ME1: variants seen among roughly 807,000 people sequenced by gnomAD.
ME1 encodes malic enzyme 1, also known as NADP-dependent malic enzyme.
ME1 carries 74 observed loss-of-function variants against 66.4 expected under a neutral mutation model. The ratio of observed to expected loss-of-function variants is 1.11; its 90% CI spans 0.92 to 1.35. The LOEUF (loss-of-function observed/expected upper bound fraction) is 1.35, where lower values mean the gene tolerates loss of function less well. Among genes scored for constraint, ME1 ranks in the 40% most tolerant of loss-of-function variants. The pLI is 0.00. For missense variants in ME1, 750 were observed against 694.1 expected, an observed-to-expected ratio of 1.08 and a Z score of -0.90; for synonymous variants, 251 against 235.6, an observed-to-expected ratio of 1.07 and a Z score of -0.60.
At chr6:83,389,622 A>G (rs765126250) in intron 3 of ME1, among the ~76,000 whole-genome samples, 5 of 152,168 alleles carry the variant, frequency 3.3e-5, no homozygotes, top group African/African-American at 4.8e-5. Context: ...GTGTAAAAAT[A>G]CAGTAGGTAG....
At chr6:83,349,561 T>C (rs943254653) in intron 4 of ME1, among the ~76,000 whole-genome samples, 1 of 152,218 alleles carries the variant, frequency 6.6e-6, no homozygotes, top group Non-Finnish European at 1.5e-5. Context: ...ACTCTCCATG[T>C]GTCCTGTCTT....
chr6:83,315,528 T>C (rs1251832317), intron 5 of ME1, 115 bp from the exon 6 acceptor site: 3 of 636,674 alleles, frequency 4.7e-6, no homozygotes, highest in Non-Finnish European at 8.3e-6. Flanking sequence ...CTTACCATAC[T>C]GATTCAGAAT....
Position 83,346,314 on chromosome 6 carries a change from T to C in ME1, c.459A>G (p.Gly153=). Residue 153 remains glycine (G), a synonymous_variant, in exon 5 of 14, where the codon GGA becomes GGG. Transcript: ENST00000369705. The part of the protein sequence containing the change: ...DVIKAIVVTD[G]ERILGLGDLG... ...GGTCTCCCAAGCCAAGAATACGCTC[T>C]CCATCAGTCACCACAATGGCCTGGA... The C allele has an allele frequency of 6.2e-7, 1 of 1,607,862 alleles. No individual in the cohort carries two copies. The highest frequency in any genetic ancestry group is 8.5e-7 in the Non-Finnish European group (1 of 1,176,824).
intron 6 of ME1, among the ~76,000 whole-genome samples, chr6:83,302,542 T>A (rs1417614495): frequency 6.6e-6 from 1 of 152,198 alleles, no homozygotes; most frequent in African/African-American, 2.4e-5. Context: ...TCTAATATCT[T>A]GATGACTTAA....
intron 10 of ME1, 149 bp from the exon 11 acceptor site, chr6:83,227,626 T>A: frequency 1.6e-6 from 1 of 608,848 alleles, no homozygotes; most frequent in Admixed American, 3.6e-5. Flanking sequence ...TCAAGTATAG[T>A]GACAAAAAGA....
At chr6:83,255,210 T>A (rs947346934) in intron 6 of ME1, among the ~76,000 whole-genome samples, 1 of 152,068 alleles carries the variant, frequency 6.6e-6, no homozygotes, top group Non-Finnish European at 1.5e-5. Context: ...TCTTTTTCTA[T>A]GTCTATTTGT....
chr6:83,367,117 G>T (rs369415517), intron 3 of ME1, among the ~76,000 whole-genome samples: 102 of 152,230 alleles, frequency 6.7e-4, no homozygotes, highest in African/African-American at 2.4e-3. Flanking sequence ...GCTCTTATGT[G>T]ACAAGGTGCA....
intron 6 of ME1, among the ~76,000 whole-genome samples, chr6:83,276,622 T>C (rs1471930332): frequency 3.3e-5 from 5 of 152,202 alleles, no homozygotes; most frequent in Non-Finnish European, 5.9e-5. Flanking sequence ...TTCAAACTAC[T>C]CTTGAAAAGT....
intron 7 of ME1, among the ~76,000 whole-genome samples, chr6:83,252,875 AAG>A (rs1412246003): frequency 6.6e-6 from 1 of 152,242 alleles, no homozygotes; most frequent in Admixed American, 6.5e-5. Context: ...GCCAACAGAA[AAG>A]AGTATTTCAA....
At chr6:83,288,883 T>C (rs1195322658) in intron 6 of ME1, among the ~76,000 whole-genome samples, 1 of 152,210 alleles carries the variant, frequency 6.6e-6, no homozygotes, top group Admixed American at 6.5e-5. Flanking sequence ...CCCTTGTAAG[T>C]TGTATTCCTA....
intron 5 of ME1, among the ~76,000 whole-genome samples, chr6:83,329,250 ATTAGCACC>A (rs1275340100): frequency 1.3e-5 from 2 of 152,214 alleles, no homozygotes; most frequent in African/African-American, 4.8e-5. Context: ...ACTACCCAAC[ATTAGCACC>A]TTGATGTATA....
At chr6:83,317,902 T>C (rs974509215) in intron 5 of ME1, among the ~76,000 whole-genome samples, 1 of 152,006 alleles carries the variant, frequency 6.6e-6, no homozygotes, top group Non-Finnish European at 1.5e-5. Context: ...CTTCAAACTA[T>C]ACTACAAGGC....
At chr6:83,359,785 T>C (rs1292387184) in intron 3 of ME1, among the ~76,000 whole-genome samples, 1 of 152,170 alleles carries the variant, frequency 6.6e-6, no homozygotes, top group Non-Finnish European at 1.5e-5. Context: ...AGCACCTACA[T>C]CTTTGAAAAG....
intron 5 of ME1, among the ~76,000 whole-genome samples, chr6:83,321,988 C>T (rs935561498): frequency 2.6e-5 from 4 of 152,274 alleles, no homozygotes; most frequent in South Asian, 2.1e-4. Context: ...CTGCAGCCTC[C>T]GCTGGTGACA....
intron 11 of ME1, among the ~76,000 whole-genome samples, chr6:83,224,415 G>C (rs1296999980): frequency 6.6e-6 from 1 of 152,104 alleles, no homozygotes. Flanking sequence ...AGGCACAGTG[G>C]CTCATGCCTG....
chr6:83,404,205 G>A (rs968749059), intron 2 of ME1, among the ~76,000 whole-genome samples: 1 of 152,034 alleles, frequency 6.6e-6, no homozygotes, highest in African/African-American at 2.4e-5. Context: ...ATTCTAAGTG[G>A]TGTCAGATGG....
At position 83,223,825 on chromosome 6, in the gene ME1, C is replaced by T; in HGVS notation, c.1384G>A (p.Ala462Thr). The T allele has an allele frequency of 1.9e-6, 3 of 1,613,920 alleles. No homozygotes were observed. Among genetic ancestry groups the T allele is most frequent in the South Asian group, 1.1e-5 (1 of 91,064 alleles). Residue 462 changes from alanine (A) to threonine (T), a missense_variant, in exon 12 of 14, where the codon GCT (alanine) becomes ACT (threonine). Ala to Thr is a moderately conservative substitution (Grantham distance 58). Coordinates refer to ENST00000369705, the MANE Select transcript of ME1 (RefSeq NM_002395.6). Reference protein sequence around the residue: ...GNNSYVFPGVALGVVACGLRQ... With the variant: ...GNNSYVFPGVTLGVVACGLRQ... Reference sequence around the variant, plus strand: ...AATCCACACGCCACAACACCAAGAGCAACTCCAGGGAACACATAGGAATTG... The same window carrying T: ...AATCCACACGCCACAACACCAAGAGTAACTCCAGGGAACACATAGGAATTG...
At chr6:83,415,011 T>C (rs1770131607) in intron 1 of ME1, among the ~76,000 whole-genome samples, 1 of 152,200 alleles carries the variant, frequency 6.6e-6, no homozygotes, top group Non-Finnish European at 1.5e-5. Context: ...GAAACGTGTA[T>C]GAATAATCCA....
At chr6:83,328,107 A>C (rs572259748) in intron 5 of ME1, among the ~76,000 whole-genome samples, 16 of 152,364 alleles carry the variant, frequency 1.1e-4, no homozygotes, top group African/African-American at 3.8e-4. Flanking sequence ...AAAATGTGGC[A>C]CATATACACC....
Sources: allele counts gnomAD v4.1 joint callset (sites outside exome capture counted in the v4.1 genomes callset), GRCh38; gene constraint gnomAD v4.1.1; transcripts MANE v1.5; gene names NCBI Gene and HGNC (gene_info 2026-07-23, HGNC 2026-07-21).